Variants in NEIL3 observed in about 807,000 individuals in gnomAD.
NEIL3 encodes the protein endonuclease 8-like 3.
NEIL3 carries 48 observed loss-of-function variants against 57.5 expected under a neutral mutation model. The observed-to-expected ratio is 0.83, with a 90% CI of 0.66 to 1.06. The LOEUF is 1.06. Among genes scored for constraint, NEIL3 ranks in the 50% least tolerant of loss-of-function variants. The pLI, the probability that NEIL3 is intolerant of heterozygous loss-of-function variation, is 0.00. For missense variants in NEIL3, 717 were observed against 739.1 expected (o/e 0.97, Z 0.35); for synonymous variants, 261 against 253.2 (o/e 1.03, Z -0.29).
Position 177,335,750 on chromosome 4 carries a change from G to A in NEIL3, c.341G>A (p.Gly114Glu). 1 of 1,596,426 alleles carries A rather than the reference G, an allele frequency of 6.3e-7. No individual in the cohort carries two copies. The change falls in exon 3 of 10, where the codon GGA (glycine) becomes GAA (glutamate). Residue 114 changes from glycine to glutamate, a missense_variant. Physicochemically the swap from Gly to Glu is moderately conservative, Grantham distance 98 (BLOSUM62 -2). Coordinates refer to ENST00000264596, the MANE Select transcript of NEIL3 (RefSeq NM_018248.3). ...CCACTTGAGTATAAATATAAAAATG[G>A]AGCTTCTCCTGTTTTGGAAGTGCAG... ...INPLEYKYKN[G>E]ASPVLEVQLT...
intron 2 of NEIL3, 88 bp from the exon 3 acceptor site, chr4:177,335,600 T>C (rs1425977989): frequency 1.6e-6 from 2 of 1,228,438 alleles, no homozygotes; most frequent in Non-Finnish European, 1.2e-6. Flanking sequence ...TGTTTGCTTA[T>C]AATCCAAAAA....
At chr4:177,336,049 A>T in intron 3 of NEIL3, 59 bp from the exon 4 acceptor site, 1 of 1,402,448 alleles carries the variant, frequency 7.1e-7, no homozygotes, top group Admixed American at 1.8e-5. Flanking sequence ...ATTTTAAAAG[A>T]CACTTTGTGA....
rs115730443 is a variant in NEIL3 at position 177,317,108 on chromosome 4, A to G, written c.157-5351A>G. Among the ~76,000 whole-genome samples the G allele has an allele frequency of 4.5e-3, 693 of 152,348 alleles. 7 individuals are homozygous for G. The highest frequency in any genetic ancestry group is 0.016 in the African/African-American group (656 of 41,580). On this transcript the variant is annotated intron_variant, in intron 1 of 9. Coordinates refer to ENST00000264596, the MANE Select transcript of NEIL3 (RefSeq NM_018248.3). ...GGTTAATGTTTTTCTATAAGTTAAT[A>G]TCTACCTTGAATTCCTTCACTTGCT...
intron 1 of NEIL3, among the ~76,000 whole-genome samples, chr4:177,316,878 T>C (rs970716865): frequency 1.4e-4 from 22 of 152,192 alleles, no homozygotes; most frequent in Non-Finnish European, 4.4e-5. Context: ...AAGATTATCC[T>C]ACTGTCCAGG....
At chr4:177,340,447 C>A (rs532664104) in intron 5 of NEIL3, among the ~76,000 whole-genome samples, 3 of 152,124 alleles carry the variant, frequency 2.0e-5, no homozygotes, top group Non-Finnish European at 4.4e-5. Context: ...CAAAGTAATG[C>A]AAATATGTAT....
At position 177,335,788 on chromosome 4, in the gene NEIL3, T is replaced by G. The variant is rs1251928543; in HGVS notation, c.379T>G (p.Leu127Val). 6.3e-7 allele frequency: 1 copy of G among 1,579,922 alleles called. No individual in the cohort carries two copies. The highest frequency in any genetic ancestry group is 1.4e-5 in the African/African-American group (1 of 73,052). The change falls in exon 3 of 10, where the codon TTG becomes GTG. Residue 127 changes from leucine (L) to valine (V), a missense_variant. Coordinates refer to ENST00000264596, the MANE Select transcript of NEIL3 (RefSeq NM_018248.3). The part of the protein sequence containing the change: ...PVLEVQLTKD[L>V]ICFFDSSVEL... Reference sequence around the variant, plus strand: ...TTTGGAAGTGCAGCTCACCAAAGATTTGATTTGTTTCTTTGACTCATCAGT... The same window carrying G: ...TTTGGAAGTGCAGCTCACCAAAGATGTGATTTGTTTCTTTGACTCATCAGT...
chr4:177,342,451 G>T (rs1735114519), intron 6 of NEIL3, among the ~76,000 whole-genome samples: 1 of 152,216 alleles, frequency 6.6e-6, no homozygotes, highest in South Asian at 2.1e-4. Context: ...GTGATTATAA[G>T]ATTATGTAGT....
intron 1 of NEIL3, among the ~76,000 whole-genome samples, chr4:177,315,033 C>T (rs1353046060): frequency 7.0e-6 from 1 of 142,642 alleles, no homozygotes; most frequent in East Asian, 2.0e-4. Context: ...CGCGCCACTG[C>T]ACTCGAGCCT....
At chr4:177,337,352 A>T (rs1734998036) in intron 4 of NEIL3, among the ~76,000 whole-genome samples, 1 of 152,172 alleles carries the variant, frequency 6.6e-6, no homozygotes, top group South Asian at 2.1e-4. Context: ...CTTTTACATA[A>T]ACCCAGGTTA....
chr4:177,355,499 T>G (rs1735452857), intron 8 of NEIL3, among the ~76,000 whole-genome samples: 1 of 152,254 alleles, frequency 6.6e-6, no homozygotes, highest in African/African-American at 2.4e-5. Flanking sequence ...TGTAATTTTT[T>G]TATTGTTTCA....
At chr4:177,369,582 A>G in the NEIL3 span, among the ~76,000 whole-genome samples, 1 of 152,164 alleles carries the variant, frequency 6.6e-6, no homozygotes, top group Non-Finnish European at 1.5e-5. Context: ...AGGAACCCAA[A>G]CAAATGAAAA....
chr4:177,313,779 A>G (rs1011454982), intron 1 of NEIL3, among the ~76,000 whole-genome samples: 2 of 152,244 alleles, frequency 1.3e-5, no homozygotes, highest in East Asian at 3.8e-4. Flanking sequence ...TTATCGTTAT[A>G]TATGCTTCAC....
At chr4:177,344,031 C>G (rs1355475466) in intron 6 of NEIL3, among the ~76,000 whole-genome samples, 1 of 152,050 alleles carries the variant, frequency 6.6e-6, no homozygotes, top group African/African-American at 2.4e-5. Flanking sequence ...TTATTTATCA[C>G]ATAAATAGTT....
intron 6 of NEIL3, among the ~76,000 whole-genome samples, chr4:177,351,036 TC>T: frequency 6.6e-6 from 1 of 151,326 alleles, no homozygotes; most frequent in East Asian, 2.0e-4. Context: ...GCATTCCATC[TC>T]TACTAAAAAT....
Position 177,322,312 on chromosome 4 carries a change from T to C in NEIL3, c.157-147T>C, listed in dbSNP as rs183857916. ...GACAAAATGTATGTAAACAGCCGAT[T>C]ACATTACATGACTTGTTGGAGATTA... On this transcript the variant is annotated intron_variant, in intron 1 of 9. Transcript: ENST00000264596. 27 of 1,105,748 alleles carry C rather than the reference T, an allele frequency of 2.4e-5. No individual in the cohort carries two copies. The African/African-American group carries it at 3.7e-4, about 15-fold the overall frequency. The allele number at this position is 1,105,748 out of a possible 1,614,324, so 68.5% of individuals were successfully genotyped here. A position where few individuals can be genotyped will look rare whatever the true frequency, so the allele number is the denominator to read the frequency against.
intron 1 of NEIL3, among the ~76,000 whole-genome samples, chr4:177,321,220 A>G (rs1734678951): frequency 6.6e-6 from 1 of 151,884 alleles, no homozygotes; most frequent in African/African-American, 2.4e-5. Flanking sequence ...ACATTTCCCC[A>G]CTCCCACTGC....
At chr4:177,335,548 A>G in intron 2 of NEIL3, 140 bp from the exon 3 acceptor site, 1 of 585,066 alleles carries the variant, frequency 1.7e-6, no homozygotes, top group Non-Finnish European at 3.0e-6. Flanking sequence ...TAATCTTACC[A>G]CTGGTTTCTG....
intron 8 of NEIL3, among the ~76,000 whole-genome samples, chr4:177,359,531 A>G (rs941282696): frequency 6.6e-6 from 1 of 152,126 alleles, no homozygotes; most frequent in African/African-American, 2.4e-5. Context: ...TTGATTTTTA[A>G]GTTTTTTTTT....
chr4:177,357,718 C>T (rs1212983072), intron 8 of NEIL3, among the ~76,000 whole-genome samples: 1 of 152,060 alleles, frequency 6.6e-6, no homozygotes, highest in Non-Finnish European at 1.5e-5. Context: ...TTGTGTAAAG[C>T]TTTATTTACA....
Sources: gnomAD v4.1 joint callset for allele counts (sites outside exome capture counted in the v4.1 genomes callset) on GRCh38, gnomAD v4.1.1 for gene constraint, MANE v1.5 for transcripts, NCBI Gene and HGNC (gene_info 2026-07-23, HGNC 2026-07-21) for gene names.